Variants in NEIL2 observed in about 807,000 individuals in gnomAD.
NEIL2 encodes the protein endonuclease 8-like 2.
In NEIL2, 23 loss-of-function variants were observed where a neutral mutation model predicts 22.2. The ratio of observed to expected loss-of-function variants is 1.04; its 90% CI spans 0.75 to 1.47. NEIL2 has a LOEUF of 1.47. NEIL2 is among the 40% of genes most tolerant of loss of function. The probability of loss-of-function intolerance (pLI) is 0.00; values close to 1 mark genes in which losing one functional copy is unlikely to be tolerated. For missense variants in NEIL2, 583 were observed against 404.7 expected, an observed-to-expected ratio of 1.44 and a Z score of -3.78; for synonymous variants, 229 against 164.8, an observed-to-expected ratio of 1.39 and a Z score of -2.99.
chr8:11,771,337 A>T, intron 1 of NEIL2, 109 bp from the exon 2 acceptor site: 2 of 1,402,024 alleles, frequency 1.4e-6, no homozygotes, highest in African/African-American at 2.8e-5. Context: ...TTGCTCTTAA[A>T]GTTAGTTGGC....
In NEIL2 at chr8:11,778,072, G is replaced by T. The variant is rs114438749; in HGVS notation, c.139-1526G>T. Reference sequence around the variant, plus strand: ...CTTAATTAATGATTAGTGAATTGAAGTGGCTGCAGTGTCACAGGAACCCAA... The same window carrying T: ...CTTAATTAATGATTAGTGAATTGAATTGGCTGCAGTGTCACAGGAACCCAA... On this transcript the variant is annotated intron_variant, in intron 2 of 4. Transcript: ENST00000284503. Among the ~76,000 whole-genome samples, 441 of 152,310 alleles carry T rather than the reference G, an allele frequency of 2.9e-3. 2 individuals carry two copies. The highest frequency in any genetic ancestry group is 9.1e-3 in the African/African-American group (379 of 41,564).
chr8:11,785,840 G>T, intron 4 of NEIL2, 123 bp from the exon 5 acceptor site: 1 of 859,366 alleles, frequency 1.2e-6, no homozygotes, highest in Non-Finnish European at 2.0e-6. Flanking sequence ...GTCAGAGATC[G>T]CAGACCCGTC....
At chr8:11,772,755 C>G (rs1449976990) in intron 2 of NEIL2, among the ~76,000 whole-genome samples, 2 of 152,080 alleles carry the variant, frequency 1.3e-5, no homozygotes, top group African/African-American at 4.8e-5. Flanking sequence ...TGCTGCTTAG[C>G]CGTGTGCTCT....
At chr8:11,785,204 AAT>A (rs1804794151) in intron 4 of NEIL2, among the ~76,000 whole-genome samples, 1 of 148,040 alleles carries the variant, frequency 6.8e-6, no homozygotes, top group Admixed American at 6.7e-5. Flanking sequence ...TTTAAAAAAA[AAT>A]TTTTTTTGAG....
intron 2 of NEIL2, among the ~76,000 whole-genome samples, chr8:11,777,828 T>G (rs1804044994): frequency 6.6e-6 from 1 of 152,270 alleles, no homozygotes; most frequent in South Asian, 2.1e-4. Flanking sequence ...TCCAAGGGCA[T>G]GGCATTGGCA....
chr8:11,771,389 G>T, intron 1 of NEIL2, 57 bp from the exon 2 acceptor site: 2 of 1,608,702 alleles, frequency 1.2e-6, no homozygotes, highest in Non-Finnish European at 8.5e-7. Context: ...ACCTGTTAAA[G>T]ATGCTAGAGA....
rs1485587360 is a variant in NEIL2 at position 11,787,022 on chromosome 8, T to G, written c.*749T>G. ...TGGAAAGCAGGAAAACAGGATTTTT[T>G]TTTTTTTATCTTGTTCCCTGGAGGA... On this transcript the variant is annotated 3_prime_UTR_variant, in exon 5 of 5. Transcript: ENST00000284503. 2 of 152,694 alleles carry G rather than the reference T, an allele frequency of 1.3e-5. No homozygotes were observed. The highest frequency in any genetic ancestry group is 2.9e-5 in the Non-Finnish European group (2 of 68,206). The allele number at this position is 152,694 out of a possible 1,614,324, so 9.5% of individuals were successfully genotyped here.
Position 11,786,407 on chromosome 8 carries a change from T to C in NEIL2, c.*134T>C. On this transcript the variant is annotated 3_prime_UTR_variant, in exon 5 of 5. Transcript: ENST00000284503. The stretch of plus-strand genomic sequence containing the variant: ...AGAGGTGCCAGTAGTATAATATTCG[T>C]CTCCCTGGAGTTATGTTGAAGGCAG... The C allele has an allele frequency of 1.2e-6, 1 of 817,452 alleles. No individual in the cohort carries two copies. The highest frequency in any genetic ancestry group is 2.1e-6 in the Non-Finnish European group (1 of 484,430). 50.6% of individuals were successfully genotyped at this position (817,452 alleles called of 1,614,324 possible).
At position 11,780,625 on chromosome 8, in the gene NEIL2, G is replaced by A. The variant is rs191321831; in HGVS notation, c.491+675G>A. On this transcript the variant is annotated intron_variant, in intron 3 of 4. Transcript: ENST00000284503. ...CTGGAACTCCTGGCCTCAAGCGATC[G>A]CCTACCTCCGCCTCCCAAAGTGCTG... Among the ~76,000 whole-genome samples the A allele has an allele frequency of 1.5e-4, 23 of 152,230 alleles. No homozygotes were observed. The East Asian group carries it at 2.9e-3, about 19-fold the overall frequency.
chr8:11,780,627 C>A (rs1351373785), intron 3 of NEIL2, among the ~76,000 whole-genome samples: 1 of 152,222 alleles, frequency 6.6e-6, no homozygotes, highest in South Asian at 2.1e-4. Context: ...AAGCGATCGC[C>A]TACCTCCGCC....
At position 11,779,684 on chromosome 8, in the gene NEIL2, A is replaced by T; in HGVS notation, c.225A>T (p.Gln75His). 1 of 1,613,962 alleles carries T rather than the reference A, an allele frequency of 6.2e-7. No individual in the cohort carries two copies. The highest frequency in any genetic ancestry group is 8.5e-7 in the Non-Finnish European group (1 of 1,179,980). The stretch of plus-strand genomic sequence containing the variant: ...GCAGCCCAACACCAGAGCCTCCACA[A>T]AAAGAAGTGCAGAAGGAAGGGGCTG... ...PGSSPTPEPP[Q>H]KEVQKEGAAD... Residue 75 changes from glutamine (Q) to histidine (H), a missense_variant, in exon 3 of 5, where the codon CAA becomes CAT. Gln to His is a conservative substitution (Grantham distance 24, BLOSUM62 0). Coordinates refer to ENST00000284503, the MANE Select transcript of NEIL2 (RefSeq NM_145043.4).
chr8:11,786,628 G>GCTTT lies in NEIL2; in HGVS notation c.*355_*356insCTTT, dbSNP rs1554508759. On this transcript the variant is annotated 3_prime_UTR_variant, in exon 5 of 5. Transcript: ENST00000284503. ...CAACATAGCTTTGCAGATGATGTGG[G>GCTTT]TTTTTTTTTTTTTTTTGGTTGTTTG... 1,882 of 214,090 alleles carry GCTTT rather than the reference G, an allele frequency of 8.8e-3. 41 individuals carry two copies. Among genetic ancestry groups the GCTTT allele is most frequent in the Admixed American group, 0.049 (831 of 17,088 alleles). 13.3% of individuals were successfully genotyped at this position (214,090 alleles called of 1,614,324 possible). A position where few individuals can be genotyped will look rare whatever the true frequency, so the allele number is the denominator to read the frequency against.
chr8:11,785,680 T>C (rs1804856770), intron 4 of NEIL2, among the ~76,000 whole-genome samples: 1 of 152,150 alleles, frequency 6.6e-6, no homozygotes, highest in South Asian at 2.1e-4. Context: ...AGGATCTGCT[T>C]GAGCTGCGAT....
At position 11,784,374 on chromosome 8, in the gene NEIL2, T is replaced by TA. The variant is rs566224006; in HGVS notation, c.688+976dup. Among the ~76,000 whole-genome samples, 41 of 152,362 alleles carry TA rather than the reference T, an allele frequency of 2.7e-4. 2 individuals carry two copies. In the South Asian group the frequency reaches 8.1e-3, roughly 30 times the overall value. On this transcript the variant is annotated intron_variant, in intron 4 of 4. Coordinates refer to ENST00000284503, the MANE Select transcript of NEIL2 (RefSeq NM_145043.4). The stretch of plus-strand genomic sequence containing the variant: ...TGTGCCAGGCACATGTTCTTGTCCT[T>TA]ACTGCTGTCCTGTAGGATGGTTATA...
At chr8:11,782,734 T>C in intron 3 of NEIL2, 1 of 247,492 alleles carries the variant, frequency 4.0e-6, no homozygotes, top group South Asian at 5.8e-5. Flanking sequence ...TCTGTATGTG[T>C]GTATGATCCA....
rs1225187750 is a variant in NEIL2, at chr8:11,786,732, C to G, written c.*459C>G. On this transcript the variant is annotated 3_prime_UTR_variant, in exon 5 of 5. Transcript: ENST00000284503. ...TTGGCTCACGGCAGCCTTGCCCTCC[C>G]TGGCTCAAGCAGTCTTCATCTCAGC... The G allele has an allele frequency of 4.7e-6, 1 of 210,832 alleles. No homozygotes were observed. The allele number at this position is 210,832 out of a possible 1,614,324, so 13.1% of individuals were successfully genotyped here. A position where few individuals can be genotyped will look rare whatever the true frequency, so the allele number is the denominator to read the frequency against.
At chr8:11,785,783 C>G (rs560353422) in intron 4 of NEIL2, among the ~76,000 whole-genome samples, 180 bp from the exon 5 acceptor site, 3 of 152,156 alleles carry the variant, frequency 2.0e-5, no homozygotes, top group African/African-American at 7.2e-5. Context: ...TCACAGCAAC[C>G]TTAAAGGTAG....
At chr8:11,775,367 G>C (rs986907995) in intron 2 of NEIL2, among the ~76,000 whole-genome samples, 2 of 152,170 alleles carry the variant, frequency 1.3e-5, no homozygotes, top group African/African-American at 4.8e-5. Context: ...TGGCTGGAGG[G>C]GCTAGGACAC....
At chr8:11,781,422 A>G (rs1157300040) in intron 3 of NEIL2, among the ~76,000 whole-genome samples, 3 of 152,208 alleles carry the variant, frequency 2.0e-5, no homozygotes, top group African/African-American at 7.2e-5. Context: ...TATTCACACC[A>G]AAAAATCCAG....
Sources: gnomAD v4.1 joint callset for allele counts (sites outside exome capture counted in the v4.1 genomes callset) on GRCh38, gnomAD v4.1.1 for gene constraint, MANE v1.5 for transcripts, NCBI Gene and HGNC (gene_info 2026-07-23, HGNC 2026-07-21) for gene names.